Variants in PDE4B observed in about 807,000 individuals in gnomAD.
PDE4B encodes phosphodiesterase 4B.
PDE4B carries 20 observed loss-of-function variants against 82.2 expected under a neutral mutation model. That is an observed-to-expected ratio of 0.24 (90% CI 0.17 to 0.35). PDE4B has a LOEUF of 0.35. Among genes scored for constraint, PDE4B ranks in the 10% least tolerant of loss-of-function variants. The pLI is 1.00. For missense variants in PDE4B, 655 were observed against 907.2 expected (o/e 0.72, Z 3.57); for synonymous variants, 320 against 318.9 (o/e 1.00, Z -0.04).
chr1:66,038,734 G>A (rs904972017), intron 3 of PDE4B, among the ~76,000 whole-genome samples: 1 of 152,068 alleles, frequency 6.6e-6, no homozygotes, highest in Non-Finnish European at 1.5e-5. Flanking sequence ...ATTGCTTTAA[G>A]AATGGTGGCA....
chr1:66,100,234 G>T (rs1301721907), intron 3 of PDE4B, among the ~76,000 whole-genome samples: 1 of 151,974 alleles, frequency 6.6e-6, no homozygotes, highest in East Asian at 1.9e-4. Context: ...TGTATTTTTA[G>T]TAGAGATGGG....
At chr1:66,345,816 A>C (rs1661352851) in intron 8 of PDE4B, among the ~76,000 whole-genome samples, 2 of 152,104 alleles carry the variant, frequency 1.3e-5, no homozygotes. Context: ...ATGACCCCCA[A>C]AGTACCCTGA....
At chr1:66,126,169 A>C (rs1645820099) in intron 3 of PDE4B, among the ~76,000 whole-genome samples, 1 of 152,214 alleles carries the variant, frequency 6.6e-6, no homozygotes, top group Non-Finnish European at 1.5e-5. Flanking sequence ...GATCTCAAGG[A>C]GCTTATAGTC....
At chr1:66,325,852 G>T (rs999786300) in intron 7 of PDE4B, among the ~76,000 whole-genome samples, 4 of 152,174 alleles carry the variant, frequency 2.6e-5, no homozygotes, top group African/African-American at 4.8e-5. Context: ...TGTACCAAAG[G>T]CTTGGCGTAT....
chr1:66,174,981 A>G (rs1270833129), intron 3 of PDE4B, among the ~76,000 whole-genome samples: 1 of 152,122 alleles, frequency 6.6e-6, no homozygotes, highest in Non-Finnish European at 1.5e-5. Context: ...CGCTTAAACC[A>G]TCAAATCTCA....
intron 3 of PDE4B, among the ~76,000 whole-genome samples, chr1:66,108,225 C>T (rs1459767492): frequency 2.0e-5 from 3 of 151,914 alleles, no homozygotes; most frequent in Non-Finnish European, 2.9e-5. Context: ...TCCCTGTCAC[C>T]TGCCCACCCC....
At chr1:66,146,173 CTTTTTTTTT>C (rs36027532) in intron 3 of PDE4B, among the ~76,000 whole-genome samples, 2 of 49,230 alleles carry the variant, frequency 4.1e-5, no homozygotes, top group Admixed American at 3.1e-4. Flanking sequence ...GGGTAGCATG[CTTTTTTTTT>C]TTTTTTTTTT....
At chr1:66,119,341 G>A (rs772870030) in intron 3 of PDE4B, among the ~76,000 whole-genome samples, 5 of 152,208 alleles carry the variant, frequency 3.3e-5, no homozygotes, top group Non-Finnish European at 5.9e-5. Flanking sequence ...GTTACATTGA[G>A]TCTTGTAGAA....
intron 8 of PDE4B, among the ~76,000 whole-genome samples, chr1:66,348,316 T>A (rs1228715178): frequency 1.3e-5 from 2 of 152,190 alleles, no homozygotes; most frequent in East Asian, 3.8e-4. Context: ...TTTTTCTCAG[T>A]TACTATGATG....
intron 3 of PDE4B, among the ~76,000 whole-genome samples, chr1:66,223,963 T>G (rs1040571549): frequency 6.6e-6 from 1 of 152,158 alleles, no homozygotes; most frequent in Non-Finnish European, 1.5e-5. Context: ...AGATGATGCA[T>G]TCAATACCCT....
rs1645592773 is a variant in PDE4B at position 65,793,192 on chromosome 1, G to T, written c.-127G>T. 6.6e-6 allele frequency: 1 copy of T among 152,284 alleles called. No homozygotes were observed. Among genetic ancestry groups the T allele is most frequent in the South Asian group, 2.1e-4 (1 of 4,834 alleles). The allele number at this position is 152,284 out of a possible 1,614,324, so 9.4% of individuals were successfully genotyped here. ...GCGTCCAGAGCGCTGCGGCCGCGGC[G>T]GTGCAGCAGAGGCGCCTCGGGCAGG... On this transcript the variant is annotated 5_prime_UTR_variant, in exon 1 of 17. Transcript: ENST00000341517.
At chr1:66,329,964 A>G (rs923623163) in intron 7 of PDE4B, among the ~76,000 whole-genome samples, 1 of 152,120 alleles carries the variant, frequency 6.6e-6, no homozygotes, top group Non-Finnish European at 1.5e-5. Context: ...TGCTAAAACT[A>G]CAAAGTTATA....
chr1:66,283,275 T>C (rs1207957409), intron 7 of PDE4B, among the ~76,000 whole-genome samples: 1 of 152,142 alleles, frequency 6.6e-6, no homozygotes, highest in Non-Finnish European at 1.5e-5. Context: ...GGATTAAATT[T>C]GTTGCTTCTG....
At chr1:65,931,376 A>C (rs1647823175) in intron 3 of PDE4B, among the ~76,000 whole-genome samples, 1 of 152,304 alleles carries the variant, frequency 6.6e-6, no homozygotes, top group East Asian at 1.9e-4. Context: ...AGAGGAAATA[A>C]AATTATCTTT....
intron 1 of PDE4B, among the ~76,000 whole-genome samples, chr1:65,906,180 C>A (rs1387904288): frequency 6.6e-6 from 1 of 152,032 alleles, no homozygotes. Flanking sequence ...TGAGCAGATG[C>A]CCAGCAAATA....
At chr1:66,034,364 G>A (rs1376896930) in intron 3 of PDE4B, among the ~76,000 whole-genome samples, 2 of 152,064 alleles carry the variant, frequency 1.3e-5, no homozygotes, top group Non-Finnish European at 1.5e-5. Flanking sequence ...CTTCTTCTTT[G>A]GACTTTAGGT....
intron 3 of PDE4B, among the ~76,000 whole-genome samples, chr1:66,058,739 C>T (rs2100888086): frequency 6.6e-6 from 1 of 152,310 alleles, no homozygotes; most frequent in African/African-American, 2.4e-5. Flanking sequence ...CTAGGCTGCA[C>T]ACAGCACAGG....
upstream of PDE4B, among the ~76,000 whole-genome samples, chr1:65,792,796 C>T (rs1645586103): frequency 6.6e-6 from 1 of 151,864 alleles, no homozygotes; most frequent in Non-Finnish European, 1.5e-5. Flanking sequence ...TCCCCGCACC[C>T]GGCTGAGGAG....
chr1:65,800,769 A>G (rs941085743), intron 1 of PDE4B, among the ~76,000 whole-genome samples: 5 of 152,222 alleles, frequency 3.3e-5, no homozygotes, highest in African/African-American at 9.7e-5. Flanking sequence ...AGAATTTGCA[A>G]TAGTAAGAGT....
Sources: allele counts gnomAD v4.1 joint callset (sites outside exome capture counted in the v4.1 genomes callset), GRCh38; gene constraint gnomAD v4.1.1; transcripts MANE v1.5; gene names NCBI Gene and HGNC (gene_info 2026-07-23, HGNC 2026-07-21).